Variants in HOMER2 observed in about 807,000 individuals in gnomAD.
The protein encoded by HOMER2 is homer scaffold protein 2.
A neutral mutation model predicts 47.0 loss-of-function variants in HOMER2; 27 were observed. That is an observed-to-expected ratio of 0.57 (90% CI 0.42 to 0.79). The LOEUF is 0.79. Ranked by LOEUF, HOMER2 falls within the 30% of genes least tolerant of loss-of-function variation. HOMER2 has a pLI of 0.00. For synonymous variants in HOMER2, 161 were observed against 163.8 expected (o/e 0.98, Z 0.13); for missense variants, 443 against 435.0 (o/e 1.02, Z -0.16).
At chr15:82,964,995 A>G (rs1357696506) in intron 1 of HOMER2, among the ~76,000 whole-genome samples, 1 of 152,162 alleles carries the variant, frequency 6.6e-6, no homozygotes, top group African/African-American at 2.4e-5. Flanking sequence ...AGACTTAGGA[A>G]ATTCCAATAA....
intron 1 of HOMER2, among the ~76,000 whole-genome samples, chr15:82,973,285 A>T (rs1596388965): frequency 6.6e-6 from 1 of 152,316 alleles, no homozygotes; most frequent in East Asian, 1.9e-4. Context: ...TTCCTGAGTT[A>T]TCCCTTCCAT....
At chr15:82,866,328 T>G (rs2051965334) in intron 3 of HOMER2, among the ~76,000 whole-genome samples, 1 of 152,254 alleles carries the variant, frequency 6.6e-6, no homozygotes, top group Non-Finnish European at 1.5e-5. Context: ...TTCTCCCATT[T>G]GGAATAGGTG....
chr15:82,837,319 C>CAG (rs1172031782), exon 2 of HOMER2: 1 of 152,236 alleles, frequency 6.6e-6, no homozygotes, highest in Non-Finnish European at 1.5e-5. Flanking sequence ...CCACAGGTTC[C>CAG]AGGGATTAGG....
intron 1 of HOMER2, among the ~76,000 whole-genome samples, chr15:82,945,926 C>G (rs1252463012): frequency 6.6e-6 from 1 of 151,764 alleles, no homozygotes; most frequent in Non-Finnish European, 1.5e-5. Context: ...GCCGAAATCG[C>G]ACCACTGCAC....
intron 5 of HOMER2, among the ~76,000 whole-genome samples, chr15:82,855,224 G>A (rs1229951370): frequency 6.7e-6 from 1 of 148,748 alleles, no homozygotes; most frequent in Admixed American, 6.8e-5. Flanking sequence ...TACTCAGGAG[G>A]CTGAGGCAGA....
chr15:82,875,977 G>A (rs2052337311), intron 2 of HOMER2, among the ~76,000 whole-genome samples: 1 of 152,214 alleles, frequency 6.6e-6, no homozygotes, highest in African/African-American at 2.4e-5. Flanking sequence ...CTGTAAGGAT[G>A]GTGCAGCAGC....
intron 1 of HOMER2, among the ~76,000 whole-genome samples, chr15:82,916,451 C>T (rs1267236006): frequency 6.6e-6 from 1 of 151,972 alleles, no homozygotes; most frequent in East Asian, 1.9e-4. Flanking sequence ...AAACAGTGAC[C>T]CTAAAGCAAG....
upstream of HOMER2, among the ~76,000 whole-genome samples, chr15:82,956,320 A>C (rs2054587144): frequency 6.6e-6 from 1 of 151,480 alleles, no homozygotes; most frequent in South Asian, 2.1e-4. Flanking sequence ...TTCCAAGCAG[A>C]GGAAACTGCA....
At chr15:82,865,974 T>A (rs1394429991) in intron 3 of HOMER2, among the ~76,000 whole-genome samples, 1 of 151,838 alleles carries the variant, frequency 6.6e-6, no homozygotes, top group Non-Finnish European at 1.5e-5. Context: ...GGGGTCAAAG[T>A]CCCCCACAGA....
intron 1 of HOMER2, among the ~76,000 whole-genome samples, chr15:82,979,213 T>A (rs1412122824): frequency 1.3e-5 from 2 of 152,232 alleles, no homozygotes; most frequent in Non-Finnish European, 2.9e-5. Context: ...CTTGGGTATA[T>A]CTTTATTAAT....
At chr15:82,910,243 C>T (rs974288272) in intron 1 of HOMER2, among the ~76,000 whole-genome samples, 2 of 151,416 alleles carry the variant, frequency 1.3e-5, no homozygotes, top group South Asian at 4.2e-4. Flanking sequence ...GATGATACTG[C>T]CAGGTGAGGT....
intron 1 of HOMER2, among the ~76,000 whole-genome samples, chr15:82,910,672 A>G (rs1567048570): frequency 6.6e-6 from 1 of 152,174 alleles, no homozygotes; most frequent in Non-Finnish European, 1.5e-5. Flanking sequence ...AATTTCCCAG[A>G]TAAGGAGTTT....
chr15:82,864,374 CAGA>C, intron 3 of HOMER2, 115 bp from the exon 4 acceptor site: 1 of 627,400 alleles, frequency 1.6e-6, no homozygotes, highest in Non-Finnish European at 2.7e-6. Context: ...TGTATAAATC[CAGA>C]AGAATTTTAT....
intron 5 of HOMER2, among the ~76,000 whole-genome samples, chr15:82,856,631 A>G (rs1366753504): frequency 6.6e-6 from 1 of 152,178 alleles, no homozygotes; most frequent in Non-Finnish European, 1.5e-5. Context: ...CAAATAAATA[A>G]ATAAATAAAT....
At chr15:82,872,105 C>T (rs1042914212) in intron 3 of HOMER2, among the ~76,000 whole-genome samples, 2 of 152,090 alleles carry the variant, frequency 1.3e-5, no homozygotes, top group African/African-American at 2.4e-5. Flanking sequence ...TGGGAAGGGG[C>T]CACTCGGCTG....
exon 2 of HOMER2, chr15:82,838,533 G>A (rs374764244): frequency 3.3e-5 from 5 of 152,528 alleles, no homozygotes; most frequent in South Asian, 4.1e-4. Flanking sequence ...GCTACAGGGA[G>A]GGCCCAGGCA....
intron 1 of HOMER2, among the ~76,000 whole-genome samples, chr15:82,894,519 A>C (rs1042516471): frequency 1.3e-5 from 2 of 151,976 alleles, no homozygotes; most frequent in African/African-American, 4.8e-5. Context: ...AAAATACAAA[A>C]AATTAGCTGG....
At chr15:82,840,887 C>T (rs2051170016) in exon 2 of HOMER2, 1 of 150,940 alleles carries the variant, frequency 6.6e-6, no homozygotes. Context: ...ATAAAAACTT[C>T]AAAGAGCAAA....
In HOMER2 at chr15:82,854,728, T is replaced by C; in HGVS notation, c.567A>G (p.Ala189=). 1 of 1,612,830 alleles carries C rather than the reference T, an allele frequency of 6.2e-7. No homozygotes were observed. Among genetic ancestry groups the C allele is most frequent in the African/African-American group, 1.3e-5 (1 of 75,048 alleles). Reference sequence around the variant, plus strand: ...CCACACTGGCTGCCGACTCCTGCAGTGCTGTGGTCAGCCGTGCATTGCTCT... The same window carrying C: ...CCACACTGGCTGCCGACTCCTGCAGCGCTGTGGTCAGCCGTGCATTGCTCT... ...LRESNARLTT[A]LQESAASVEQ... is the part of the protein sequence containing the mutation. Residue 189 remains alanine (A), a synonymous_variant, in exon 6 of 9, where the codon GCA becomes GCG. Coordinates refer to ENST00000450735, the MANE Select transcript of HOMER2 (RefSeq NM_004839.4).
Sources: gnomAD v4.1 joint callset for allele counts (sites outside exome capture counted in the v4.1 genomes callset) on GRCh38, gnomAD v4.1.1 for gene constraint, MANE v1.5 for transcripts, NCBI Gene and HGNC (gene_info 2026-07-23, HGNC 2026-07-21) for gene names.